UBE2R2: variants seen among roughly 807,000 people sequenced by gnomAD.
UBE2R2 encodes the protein ubiquitin conjugating enzyme E2 R2, also known as ubiquitin-conjugating enzyme E2 R2.
UBE2R2 carries 1 observed loss-of-function variant against 27.8 expected under a neutral mutation model. The observed-to-expected ratio is 0.04, with a 90% CI of 0.01 to 0.17. UBE2R2 has a LOEUF of 0.17. Ranked by LOEUF, UBE2R2 falls within the 10% of genes least tolerant of loss-of-function variation. The pLI, the probability that UBE2R2 is intolerant of heterozygous loss-of-function variation, is 1.00. For synonymous variants in UBE2R2, 106 were observed against 113.3 expected (o/e 0.94, Z 0.41); for missense variants, 100 against 291.0 (o/e 0.34, Z 4.78).
intron 1 of UBE2R2, among the ~76,000 whole-genome samples, chr9:33,878,340 G>A (rs1821660357): frequency 6.6e-6 from 1 of 152,176 alleles, no homozygotes; most frequent in Admixed American, 6.5e-5. Flanking sequence ...GGCAGGCCAG[G>A]TGCAGTGGCT....
intron 1 of UBE2R2, among the ~76,000 whole-genome samples, chr9:33,871,181 GTAATCATTTATTTGCA>G (rs1446670423): frequency 2.0e-5 from 3 of 152,276 alleles, no homozygotes; most frequent in Middle Eastern, 3.4e-3. Context: ...CACTTAATTT[GTAATCATTTATTTGCA>G]TGCCTGTCTT....
intron 2 of UBE2R2, among the ~76,000 whole-genome samples, chr9:33,899,069 T>A (rs545552833): frequency 4.2e-4 from 64 of 152,362 alleles, no homozygotes; most frequent in Non-Finnish European, 6.3e-4. Flanking sequence ...GTTATTGACA[T>A]AGCATCTATC....
chr9:33,850,103 C>T (rs1329463048), intron 1 of UBE2R2, among the ~76,000 whole-genome samples: 2 of 152,084 alleles, frequency 1.3e-5, no homozygotes, highest in Non-Finnish European at 2.9e-5. Flanking sequence ...CAGAGAAACG[C>T]ACTGGGCTGG....
intron 1 of UBE2R2, among the ~76,000 whole-genome samples, chr9:33,877,277 G>A (rs1159264818): frequency 2.0e-5 from 3 of 150,190 alleles, no homozygotes; most frequent in Non-Finnish European, 4.4e-5. Context: ...CGCCTCCCAG[G>A]TTCATGCCAT....
intron 2 of UBE2R2, among the ~76,000 whole-genome samples, chr9:33,892,376 TA>T (rs1223959748): frequency 2.0e-5 from 3 of 152,178 alleles, no homozygotes; most frequent in Non-Finnish European, 4.4e-5. Flanking sequence ...TGTTCATTAG[TA>T]CCTAAACATT....
At chr9:33,837,420 C>CT (rs374681097) in intron 1 of UBE2R2, among the ~76,000 whole-genome samples, 43,958 of 126,616 alleles carry the variant, frequency 0.35, 8,028 homozygotes, top group South Asian at 0.46. Context: ...GCTGCTGCTT[C>CT]TTTTTTTTTT....
chr9:33,871,379 G>T (rs1350518457), intron 1 of UBE2R2, among the ~76,000 whole-genome samples: 1 of 152,162 alleles, frequency 6.6e-6, no homozygotes, highest in East Asian at 1.9e-4. Flanking sequence ...GGTGTCTGAT[G>T]AGTTCGGTGA....
chr9:33,816,881 G>C (rs1268617690), upstream of UBE2R2, among the ~76,000 whole-genome samples: 1 of 152,242 alleles, frequency 6.6e-6, no homozygotes, highest in Non-Finnish European at 1.5e-5. Context: ...TCACTCTGGG[G>C]CCACGGCAAT....
chr9:33,903,063 C>T (rs961747458), intron 3 of UBE2R2, among the ~76,000 whole-genome samples: 11 of 151,824 alleles, frequency 7.2e-5, no homozygotes, highest in African/African-American at 2.7e-4. Flanking sequence ...CGTGCCACTG[C>T]ACTCCAGCCT....
At chr9:33,863,546 A>G (rs144255844) in intron 1 of UBE2R2, among the ~76,000 whole-genome samples, 2,514 of 152,104 alleles carry the variant, frequency 0.017, 37 homozygotes, top group Non-Finnish European at 0.023. Context: ...AAAAAAGTGC[A>G]TGGTAGATTT....
At chr9:33,877,663 G>A (rs1195037800) in intron 1 of UBE2R2, among the ~76,000 whole-genome samples, 1 of 152,016 alleles carries the variant, frequency 6.6e-6, no homozygotes, top group Non-Finnish European at 1.5e-5. Context: ...AATCATCAAG[G>A]TCTTAAGGTT....
chr9:33,827,808 T>G (rs892731678), intron 1 of UBE2R2, among the ~76,000 whole-genome samples: 12 of 150,952 alleles, frequency 7.9e-5, no homozygotes, highest in Non-Finnish European at 1.8e-4. Flanking sequence ...CCGTCTCTAC[T>G]AAAAATACAA....
At chr9:33,861,290 G>A (rs572370546) in intron 1 of UBE2R2, among the ~76,000 whole-genome samples, 3 of 151,540 alleles carry the variant, frequency 2.0e-5, no homozygotes, top group Admixed American at 1.3e-4. Flanking sequence ...AAAGCAGGCC[G>A]GGGTTGGTGG....
At chr9:33,868,710 G>A (rs1377271413) in intron 1 of UBE2R2, 1 of 152,050 alleles carries the variant, frequency 6.6e-6, no homozygotes, top group Non-Finnish European at 1.5e-5. Context: ...TGTCTTGATT[G>A]CTTTTGCTGA....
At chr9:33,912,240 T>A in intron 4 of UBE2R2, 142 bp downstream of exon 4, 1 of 787,156 alleles carries the variant, frequency 1.3e-6, no homozygotes, top group South Asian at 2.0e-5. Context: ...AGAGAAGATT[T>A]CTGCCTGAGC....
At chr9:33,828,410 T>C (rs1333044842) in intron 1 of UBE2R2, among the ~76,000 whole-genome samples, 1 of 151,196 alleles carries the variant, frequency 6.6e-6, no homozygotes. Flanking sequence ...TTTTTTTTTT[T>C]GCAGACAGTC....
intron 1 of UBE2R2, among the ~76,000 whole-genome samples, chr9:33,828,608 C>G (rs926892480): frequency 1.3e-5 from 2 of 151,978 alleles, no homozygotes; most frequent in Non-Finnish European, 2.9e-5. Flanking sequence ...GTTCCCCAGC[C>G]TGGAGTGCAG....
At chr9:33,828,377 GT>G (rs757506519) in intron 1 of UBE2R2, among the ~76,000 whole-genome samples, 74 of 146,310 alleles carry the variant, frequency 5.1e-4, no homozygotes, top group Non-Finnish European at 9.6e-4. Flanking sequence ...GATGACTTCA[GT>G]TTTTGTCTCT....
intron 1 of UBE2R2, among the ~76,000 whole-genome samples, chr9:33,878,570 A>G (rs1320534417): frequency 6.6e-6 from 1 of 152,144 alleles, no homozygotes; most frequent in East Asian, 1.9e-4. Context: ...ATGAGCCAAG[A>G]TTGCACCACT....
Sources: gnomAD v4.1 joint callset for allele counts (sites outside exome capture counted in the v4.1 genomes callset) on GRCh38, gnomAD v4.1.1 for gene constraint, MANE v1.5 for transcripts, NCBI Gene and HGNC (gene_info 2026-07-23, HGNC 2026-07-21) for gene names.